Variants in MACF1 observed in about 807,000 individuals in gnomAD.
The protein encoded by MACF1 is microtubule-actin cross-linking factor 1.
In MACF1, 193 loss-of-function variants were observed where a neutral mutation model predicts 854.8. The ratio of observed to expected loss-of-function variants is 0.23; its 90% CI spans 0.20 to 0.25. The LOEUF is 0.25. MACF1 is among the 10% of genes least tolerant of loss of function. The pLI is 1.00. For missense variants in MACF1, 7,722 were observed against 8,929.1 expected, an observed-to-expected ratio of 0.86 and a Z score of 5.45; for synonymous variants, 3,185 against 3,226.7, an observed-to-expected ratio of 0.99 and a Z score of 0.44.
chr1:39,379,678 A>G (rs185783774), intron 54 of MACF1, among the ~76,000 whole-genome samples: 104 of 152,370 alleles, frequency 6.8e-4, no homozygotes, highest in African/African-American at 2.3e-3. Flanking sequence ...GTATGTTTGC[A>G]GAAAAAGAAT....
chr1:39,151,068 C>G (rs1643568442), intron 2 of MACF1, among the ~76,000 whole-genome samples: 1 of 152,098 alleles, frequency 6.6e-6, no homozygotes, highest in Admixed American at 6.6e-5. Context: ...TCAACATGTT[C>G]CAGATGAAAC....
chr1:39,463,709 C>T (rs997936715), intron 94 of MACF1, 23 bp downstream of exon 94: 2 of 1,605,166 alleles, frequency 1.2e-6, no homozygotes, highest in African/African-American at 2.7e-5. Context: ...AAAAGCAGTC[C>T]TTTGTTGTGG....
rs368734203 is a variant in MACF1, at chr1:39,453,812, A to G, written c.20848A>G (p.Lys6950Glu). ...VCHPDCITTI[K>E]HWITIIRARF... Reference sequence around the variant, plus strand: ...CCACCCCGATTGCATCACAACCATCAAACACTGGATCACCATCATCCGAGC... The same window carrying G: ...CCACCCCGATTGCATCACAACCATCGAACACTGGATCACCATCATCCGAGC... The change falls in exon 88 of 101, where the codon AAA becomes GAA. Residue 6950 changes from lysine (K) to glutamate (E), a missense_variant. This residue lies in a region of MACF1 where 729 missense variants were observed against 900.5 expected (regional missense o/e 0.81). Coordinates refer to ENST00000564288, the MANE Select transcript of MACF1 (RefSeq NM_001394062.1). 23 of 1,614,190 alleles carry G rather than the reference A, an allele frequency of 1.4e-5. No individual in the cohort carries two copies. The highest frequency in any genetic ancestry group is 1.9e-5 in the Non-Finnish European group (23 of 1,180,032).
rs889738383 is a variant in MACF1 at position 39,205,261 on chromosome 1, C to G, written c.109+130C>G. 6.2e-6 allele frequency: 4 copies of G among 644,490 alleles called. No homozygotes were observed. In the South Asian group the frequency reaches 7.0e-5, roughly 11 times the overall value. 39.9% of individuals were successfully genotyped at this position (644,490 alleles called of 1,614,324 possible). On this transcript the variant is annotated intron_variant, in intron 1 of 100. Coordinates refer to ENST00000564288, the MANE Select transcript of MACF1 (RefSeq NM_001394062.1). ...GTCCTTCAGCTGGGGTGCTGTCAGA[C>G]TTAAGAGTGTGTGTGTGTGAGTATA...
chr1:39,095,284 T>C (rs574799082), intron 2 of MACF1, among the ~76,000 whole-genome samples: 14 of 151,864 alleles, frequency 9.2e-5, no homozygotes, highest in Non-Finnish European at 1.8e-4. Context: ...GGAAGGCGGC[T>C]GGGTGCGGTG....
intron 49 of MACF1, among the ~76,000 whole-genome samples, chr1:39,365,920 C>T (rs1648668311): frequency 6.6e-6 from 1 of 152,286 alleles, no homozygotes; most frequent in Admixed American, 6.5e-5. Flanking sequence ...AAGTAATCCA[C>T]CGACCTTGGC....
rs777067309 is a variant in MACF1, at chr1:39,368,156, T to C, written c.12780T>C (p.Asn4260=). Residue 4260 remains asparagine, a synonymous_variant, in exon 50 of 101, where the codon AAT becomes AAC. Coordinates refer to ENST00000564288, the MANE Select transcript of MACF1 (RefSeq NM_001394062.1). The stretch of plus-strand genomic sequence containing the variant: ...CCTTGTTTGCTTGACAGGAGCTCAA[T>C]TTGGAAATGGAAGACCAACAGGAGA... ...THFFQQIQEL[N]LEMEDQQENL... The C allele has an allele frequency of 6.2e-7, 1 of 1,613,744 alleles. No individual in the cohort carries two copies. The highest frequency in any genetic ancestry group is 1.7e-5 in the Admixed American group (1 of 59,974).
At chr1:39,434,969 G>A (rs952185370) in intron 69 of MACF1, among the ~76,000 whole-genome samples, 1 of 152,172 alleles carries the variant, frequency 6.6e-6, no homozygotes, top group Admixed American at 6.5e-5. Flanking sequence ...ACTTAGTTAG[G>A]CACCAACTGG....
chr1:39,107,686 G>T (rs1642282912), intron 2 of MACF1, among the ~76,000 whole-genome samples: 1 of 152,188 alleles, frequency 6.6e-6, no homozygotes, highest in Non-Finnish European at 1.5e-5. Flanking sequence ...GAGTGAGCTG[G>T]AATCTATAGA....
In MACF1 at chr1:39,331,589, G is replaced by C. The variant is rs557645299; in HGVS notation, c.5001G>C (p.Glu1667Asp). 5 of 1,614,070 alleles carry C rather than the reference G, an allele frequency of 3.1e-6. No individual in the cohort carries two copies. Among genetic ancestry groups the C allele is most frequent in the Non-Finnish European group, 4.2e-6 (5 of 1,180,034 alleles). The change falls in exon 37 of 101, where the codon GAG becomes GAC. Residue 1667 changes from glutamate to aspartate, a missense_variant. Transcript: ENST00000564288. ...ATGGFSLSPS[E>D]NCINLEEAFH... is the part of the protein sequence containing the mutation. Reference sequence around the variant, plus strand: ...GAGGTTTCAGTCTTTCCCCTAGTGAGAACTGTATTAACCTGGAAGAGGCTT... The same window carrying C: ...GAGGTTTCAGTCTTTCCCCTAGTGACAACTGTATTAACCTGGAAGAGGCTT...
chr1:39,467,601 CAT>C (rs1334000707), intron 95 of MACF1: 2 of 152,136 alleles, frequency 1.3e-5, no homozygotes, highest in Non-Finnish European at 2.9e-5. Context: ...AAAGGGAAAA[CAT>C]AAATAATCAG....
chr1:39,429,968 A>G lies in MACF1; in HGVS notation c.17030A>G (p.Glu5677Gly). ...ACCAAGTTCCAGTCTACTTATGAGG[A>G]ACTGACCGGGTGGCTGAGGGAGGTG... ...LATKFQSTYE[E>G]LTGWLREVEE... Residue 5677 changes from glutamate to glycine, a missense_variant, in exon 65 of 101, where the codon GAA (glutamate) becomes GGA (glycine). Glu to Gly is a moderately conservative substitution (Grantham distance 98). Transcript: ENST00000564288. The G allele has an allele frequency of 6.2e-7, 1 of 1,613,970 alleles. No individual in the cohort carries two copies. Among genetic ancestry groups the G allele is most frequent in the Non-Finnish European group, 8.5e-7 (1 of 1,179,950 alleles).
intron 2 of MACF1, among the ~76,000 whole-genome samples, chr1:39,096,179 G>A (rs1450269278): frequency 1.0e-4 from 11 of 107,118 alleles, no homozygotes; most frequent in African/African-American, 3.4e-4. Flanking sequence ...GTGAGACCCT[G>A]TCTCAAAAAA....
In MACF1 at chr1:39,335,079, T is replaced by C; in HGVS notation, c.8491T>C (p.Ser2831Pro). The change falls in exon 37 of 101, where the codon TCT becomes CCT. Residue 2831 changes from serine to proline, a missense_variant. Physicochemically the swap from Ser to Pro is moderately conservative, Grantham distance 74 (BLOSUM62 -1). Coordinates refer to ENST00000564288, the MANE Select transcript of MACF1 (RefSeq NM_001394062.1). ...SAQEKVKVRV[S>P]DGEQAKKSRE... ...ACAAGAAAAGGTTAAAGTGAGAGTT[T>C]CTGATGGGGAGCAGGCAAAAAAGAG... 6.2e-7 allele frequency: 1 copy of C among 1,614,120 alleles called. No individual in the cohort carries two copies. Among genetic ancestry groups the C allele is most frequent in the Non-Finnish European group, 8.5e-7 (1 of 1,179,998 alleles).
rs536271062 is a variant in MACF1, at chr1:39,180,552, G to A, written c.221-50630G>A. Among the ~76,000 whole-genome samples the A allele has an allele frequency of 1.4e-3, 219 of 152,186 alleles. 3 individuals carry two copies. The highest frequency in any genetic ancestry group is 1.0e-3 in the Non-Finnish European group (71 of 68,044). Reference sequence around the variant, plus strand: ...AATCGCTTGAATCTGGGAGGCAGAGGTTTCAGTGAGCCGAGATTGCGCCAC... The same window carrying A: ...AATCGCTTGAATCTGGGAGGCAGAGATTTCAGTGAGCCGAGATTGCGCCAC... On this transcript the variant is annotated intron_variant, in intron 2 of 93. Transcript: ENST00000361689.
At chr1:39,243,689 C>T (rs943759743) in intron 2 of MACF1, among the ~76,000 whole-genome samples, 1 of 152,192 alleles carries the variant, frequency 6.6e-6, no homozygotes, top group Admixed American at 6.5e-5. Context: ...ATGCTTGAGC[C>T]ACCGCACCTG....
At chr1:39,190,369 TTGTGTG>T (rs1320102956) in intron 2 of MACF1, among the ~76,000 whole-genome samples, 8 of 125,580 alleles carry the variant, frequency 6.4e-5, no homozygotes, top group Admixed American at 6.3e-4. Flanking sequence ...TTCTCTTCTT[TTGTGTG>T]TGTGTGTGTG....
chr1:39,399,596 C>T (rs1642400744), intron 58 of MACF1, among the ~76,000 whole-genome samples: 1 of 152,098 alleles, frequency 6.6e-6, no homozygotes, highest in African/African-American at 2.4e-5. Flanking sequence ...AGGCTGGTCT[C>T]GAACTCCTGA....
chr1:39,321,228 C>A (rs1429963790), intron 31 of MACF1, among the ~76,000 whole-genome samples: 2 of 152,176 alleles, frequency 1.3e-5, no homozygotes, highest in Non-Finnish European at 2.9e-5. Flanking sequence ...TCCAGGCTTA[C>A]TTTGAGTATG....
Sources: allele counts gnomAD v4.1 joint callset (sites outside exome capture counted in the v4.1 genomes callset), GRCh38; gene constraint gnomAD v4.1.1; regional missense constraint gnomAD v4.1.1; transcripts MANE v1.5; gene names NCBI Gene and HGNC (gene_info 2026-07-23, HGNC 2026-07-21).